METTL25: variants seen among roughly 807,000 people sequenced by gnomAD.
METTL25 encodes the protein methyltransferase like 25.
A neutral mutation model predicts 71.6 loss-of-function variants in METTL25; 64 were observed. The ratio of observed to expected loss-of-function variants is 0.89; its 90% confidence interval spans 0.73 to 1.10. METTL25 has a LOEUF of 1.10. Ranked by LOEUF, METTL25 falls within the 50% of genes least tolerant of loss-of-function variation. The pLI, the probability that METTL25 is intolerant of heterozygous loss-of-function variation, is 0.00. For synonymous variants in METTL25, 287 were observed against 250.3 expected, an observed-to-expected ratio of 1.15 and a Z score of -1.38; for missense variants, 807 against 707.0, an observed-to-expected ratio of 1.14 and a Z score of -1.60.
At chr12:82,381,705 A>T (rs1313774053) in intron 1 of METTL25, among the ~76,000 whole-genome samples, 1 of 152,234 alleles carries the variant, frequency 6.6e-6, no homozygotes, top group African/African-American at 2.4e-5. Flanking sequence ...GCTTTCGGTT[A>T]AGCTGTATTA....
intron 1 of METTL25, among the ~76,000 whole-genome samples, chr12:82,359,618 A>C (rs1881544018): frequency 6.6e-6 from 1 of 152,254 alleles, no homozygotes; most frequent in African/African-American, 2.4e-5. Context: ...ATCTTGGACT[A>C]GGATGGTATT....
At chr12:82,408,057 AC>A (rs1887239209) in intron 5 of METTL25, 1 of 499,972 alleles carries the variant, frequency 2.0e-6, no homozygotes, top group South Asian at 8.6e-5. Context: ...CCTGCCTCTT[AC>A]CTTCTGAATA....
rs1883051900 is a variant in METTL25, at chr12:82,370,083, G to A, written c.259+11259G>A. 2.0e-5 allele frequency among the ~76,000 whole-genome samples: 3 copies of A among 152,246 alleles called. No homozygotes were observed. In the South Asian group the frequency reaches 6.2e-4, roughly 32 times the overall value. ...AAACAGGACACCCCAACTGCTGTTG[G>A]GAATCGGCCAGTGACTGCTCTAGCT... On this transcript the variant is annotated intron_variant, in intron 1 of 11. Coordinates refer to ENST00000248306, the MANE Select transcript of METTL25 (RefSeq NM_032230.3).
chr12:82,452,368 T>C (rs1013202539), intron 8 of METTL25, among the ~76,000 whole-genome samples: 4 of 152,186 alleles, frequency 2.6e-5, no homozygotes, highest in African/African-American at 9.7e-5. Context: ...CCAGGTGCAG[T>C]GGCTCATGCC....
intron 8 of METTL25, chr12:82,439,769 GC>G: frequency 1.9e-6 from 1 of 515,478 alleles, no homozygotes; most frequent in Non-Finnish European, 2.5e-6. Flanking sequence ...ACCCTAAGAT[GC>G]TAACCTTGTT....
At chr12:82,476,347 A>G (rs943317896) in intron 9 of METTL25, 4 of 267,978 alleles carry the variant, frequency 1.5e-5, no homozygotes, top group African/African-American at 9.0e-5. Flanking sequence ...CTGTGTGTCC[A>G]AAGCATAATA....
intron 9 of METTL25, among the ~76,000 whole-genome samples, chr12:82,475,261 A>C (rs1266896181): frequency 6.6e-6 from 1 of 152,202 alleles, no homozygotes; most frequent in African/African-American, 2.4e-5. Flanking sequence ...AGTTTCTGCT[A>C]CCTTGAAGTT....
intron 9 of METTL25, among the ~76,000 whole-genome samples, chr12:82,466,052 A>AT (rs757287900): frequency 6.6e-6 from 1 of 150,398 alleles, no homozygotes; most frequent in African/African-American, 2.4e-5. Flanking sequence ...CAAAAAAACA[A>AT]TTTTTTGTTT....
chr12:82,474,755 T>A (rs529883869), intron 9 of METTL25, among the ~76,000 whole-genome samples: 52 of 152,314 alleles, frequency 3.4e-4, no homozygotes, highest in Admixed American at 5.2e-4. Context: ...ACTTTTTTTT[T>A]AATTTTACAG....
Position 82,369,691 on chromosome 12 carries a change from G to A in METTL25, c.259+10867G>A, listed in dbSNP as rs552481193. On this transcript the variant is annotated intron_variant, in intron 1 of 11. Transcript: ENST00000248306. The stretch of plus-strand genomic sequence containing the variant: ...CCTGAGCGGGTTGCTGCTGTTGGCT[G>A]GGGTGGCCAGCTTTTATTCCCTTAT... 3 of 230,314 alleles carry A rather than the reference G, an allele frequency of 1.3e-5. No individual in the cohort carries two copies. The South Asian group carries it at 1.4e-4, about 11-fold the overall frequency. The allele number at this position is 230,314 out of a possible 1,614,324, so 14.3% of individuals were successfully genotyped here.
At chr12:82,412,168 C>A (rs936307221) in intron 5 of METTL25, among the ~76,000 whole-genome samples, 1 of 151,992 alleles carries the variant, frequency 6.6e-6, no homozygotes, top group Non-Finnish European at 1.5e-5. Flanking sequence ...CTAGTACTTA[C>A]ATTTTACAAA....
intron 9 of METTL25, 35 bp from the exon 10 acceptor site, chr12:82,476,609 T>C (rs372354307): frequency 3.8e-6 from 5 of 1,329,622 alleles, no homozygotes; most frequent in Non-Finnish European, 3.2e-6. Flanking sequence ...ATTTTTAAAC[T>C]ATCGTTAAAT....
Position 82,399,104 on chromosome 12 carries a change from T to G in METTL25, c.841T>G (p.Phe281Val), listed in dbSNP as rs556220365. The G allele has an allele frequency of 6.2e-7, 1 of 1,613,796 alleles. No homozygotes were observed. Among genetic ancestry groups the G allele is most frequent in the South Asian group, 1.1e-5 (1 of 91,066 alleles). ...KMPTSAILPD[F>V]SGSVISNIRN... ...GCCTACCTCAGCTATTTTGCCTGAT[T>G]TTTCTGGCTCTGTAATTTCTAATAT... The change falls in exon 4 of 12, where the codon TTT (phenylalanine) becomes GTT (valine). Residue 281 changes from phenylalanine to valine, a missense_variant. Coordinates refer to ENST00000248306, the MANE Select transcript of METTL25 (RefSeq NM_032230.3).
At chr12:82,380,737 A>C (rs1040625466) in intron 1 of METTL25, among the ~76,000 whole-genome samples, 1 of 152,214 alleles carries the variant, frequency 6.6e-6, no homozygotes, top group Admixed American at 6.5e-5. Flanking sequence ...GCAGTGAATA[A>C]AAATTCTTGT....
intron 5 of METTL25, chr12:82,408,105 T>C (rs996325689): frequency 3.1e-5 from 7 of 226,552 alleles, no homozygotes; most frequent in South Asian, 1.6e-4. Flanking sequence ...ATAAGTATGA[T>C]TAAGAAGTTC....
At chr12:82,452,701 T>C (rs1891230772) in intron 8 of METTL25, among the ~76,000 whole-genome samples, 3 of 152,210 alleles carry the variant, frequency 2.0e-5, no homozygotes, top group African/African-American at 7.2e-5. Context: ...ATTGGTCTCA[T>C]ATCATGCAAA....
chr12:82,447,439 C>T (rs1047379071), intron 8 of METTL25, among the ~76,000 whole-genome samples: 6 of 152,102 alleles, frequency 3.9e-5, no homozygotes, highest in African/African-American at 1.4e-4. Context: ...CAGCTACATG[C>T]ATCAATGTGG....
intron 1 of METTL25, among the ~76,000 whole-genome samples, chr12:82,384,490 G>T (rs1224263880): frequency 1.5e-5 from 2 of 135,256 alleles, no homozygotes; most frequent in African/African-American, 5.6e-5. Context: ...AACAAATAAA[G>T]TACAGCAGCT....
intron 9 of METTL25, among the ~76,000 whole-genome samples, chr12:82,471,964 G>C (rs1892596259): frequency 6.6e-6 from 1 of 152,114 alleles, no homozygotes; most frequent in South Asian, 2.1e-4. Flanking sequence ...GAGGGAGAAA[G>C]GGATAGAATT....
Sources: allele counts gnomAD v4.1 joint callset (sites outside exome capture counted in the v4.1 genomes callset), GRCh38; gene constraint gnomAD v4.1.1; transcripts MANE v1.5; gene names NCBI Gene and HGNC (gene_info 2026-07-23, HGNC 2026-07-21).